CGREF1: variants seen among roughly 807,000 people sequenced by gnomAD.
The protein encoded by CGREF1 is cell growth regulator with EF hand domain protein 1.
In CGREF1, 16 loss-of-function variants were observed where a neutral mutation model predicts 17.4. The observed-to-expected ratio is 0.92, with a 90% CI of 0.62 to 1.40. The LOEUF (loss-of-function observed/expected upper bound fraction) is 1.40, where lower values mean the gene tolerates loss of function less well. Ranked by LOEUF, CGREF1 falls within the 40% of genes most tolerant of loss-of-function variation. CGREF1 has a pLI of 0.00. For synonymous variants in CGREF1, 142 were observed against 154.6 expected (o/e 0.92, Z 0.61); for missense variants, 296 against 376.4 (o/e 0.79, Z 1.77).
At chr2:27,105,446 C>T (rs1423985448) in intron 1 of CGREF1, among the ~76,000 whole-genome samples, 1 of 152,152 alleles carries the variant, frequency 6.6e-6, no homozygotes, top group Non-Finnish European at 1.5e-5. Flanking sequence ...GGAAGATAAA[C>T]AAAATTCTGC....
chr2:27,110,750 TTGAG>T (rs1671339719), intron 1 of CGREF1: 1 of 159,438 alleles, frequency 6.3e-6, no homozygotes, highest in Non-Finnish European at 1.4e-5. Flanking sequence ...ACCCTCGCGG[TTGAG>T]TGTTACAGTT....
At position 27,102,672 on chromosome 2, in the gene CGREF1, T is replaced by C. The variant is rs190606702; in HGVS notation, c.81-81A>G. ...TGCCAACCTTCTGCCTCCAATCTCC[T>C]GGCAGTTTTCTCCCCAGACCCAAAG... On this transcript the variant is annotated intron_variant, in intron 2 of 5. Transcript: ENST00000402394. 3.2e-3 allele frequency: 4,714 copies of C among 1,452,878 alleles called. 38 individuals are homozygous for C. Among genetic ancestry groups the C allele is most frequent in the South Asian group, 0.013 (1,031 of 79,824 alleles). 90.0% of individuals were successfully genotyped at this position (1,452,878 alleles called of 1,614,324 possible). A position where few individuals can be genotyped will look rare whatever the true frequency, so the allele number is the denominator to read the frequency against.
At position 27,102,450 on chromosome 2, in the gene CGREF1, T is replaced by TCA; in HGVS notation, c.147-22_147-21dup. 3 of 1,613,900 alleles carry TCA rather than the reference T, an allele frequency of 1.9e-6. No individual in the cohort carries two copies. Among genetic ancestry groups the TCA allele is most frequent in the Non-Finnish European group, 2.5e-6 (3 of 1,179,804 alleles). On this transcript the variant is annotated intron_variant, in intron 3 of 5. Transcript: ENST00000402394. ...AGAAGTCTGTCAGAAAAGTGGAGAA[T>TCA]CAGCCCGGGAGAGGTGAGTCTGCAG...
In CGREF1 at chr2:27,101,291, C is replaced by T. The variant is rs752199429; in HGVS notation, c.940G>A (p.Glu314Lys). Residue 314 changes from glutamate (E) to lysine (K), a missense_variant, in exon 6 of 6, where the codon GAG (glutamate) becomes AAG (lysine). By Grantham distance (56) the Glu-to-Lys change is moderately conservative. This residue lies in a region of CGREF1 where 40 missense variants were observed against 40.8 expected (regional missense o/e 0.98). Transcript: ENST00000402394. ...NDFEVHIVQV[E>K]NDEI is the part of the protein sequence containing the mutation. ...TTCAAGATCTAGATCTCATCATTCT[C>T]CACTTGAACAATGTGCACCTCAAAG... 17 of 1,564,948 alleles carry T rather than the reference C, an allele frequency of 1.1e-5. No homozygotes were observed. In the South Asian group the frequency reaches 1.2e-4, roughly 11 times the overall value.
At position 27,116,922 on chromosome 2, in the gene CGREF1, TC is replaced by T. The variant is rs1448198679; in HGVS notation, c.-12+1923del. On this transcript the variant is annotated intron_variant, in intron 1 of 5. Transcript: ENST00000402394. ...CTCTCTCTCTCTCTCTCTCTCTCTCTCTTTTTTTGAGACAGAGTCTCGCTCT... is the reference window on the plus strand; with the variant it reads ...CTCTCTCTCTCTCTCTCTCTCTCTCTTTTTTTTGAGACAGAGTCTCGCTCT... 2.3e-3 allele frequency among the ~76,000 whole-genome samples: 178 copies of T among 77,412 alleles called. 1 individual carries two copies. Among genetic ancestry groups the T allele is most frequent in the African/African-American group, 9.5e-3 (152 of 15,970 alleles). The allele number at this position is 77,412 out of a possible 152,430, so 50.8% of individuals were successfully genotyped here.
At chr2:27,116,620 A>C (rs1244628321) in intron 1 of CGREF1, among the ~76,000 whole-genome samples, 1 of 150,776 alleles carries the variant, frequency 6.6e-6, no homozygotes, top group Non-Finnish European at 1.5e-5. Context: ...CCCAGGCTGG[A>C]GTGCAATGGC....
Position 27,102,415 on chromosome 2 carries a change from G to A in CGREF1, c.162C>T (p.Tyr54=), listed in dbSNP as rs1329555056. The part of the protein sequence containing the change: ...GQEQLGLLQS[Y]LKGLGRTEVQ... Reference sequence around the variant, plus strand: ...CTTCTGTCCTTCCTAGTCCCTTTAGGTAGCTCTGCAGAAGTCTGTCAGAAA... The same window carrying A: ...CTTCTGTCCTTCCTAGTCCCTTTAGATAGCTCTGCAGAAGTCTGTCAGAAA... The change falls in exon 4 of 6, where the codon TAC becomes TAT. Residue 54 remains tyrosine, a synonymous_variant. Transcript: ENST00000402394. 2 of 1,614,138 alleles carry A rather than the reference G, an allele frequency of 1.2e-6. No individual in the cohort carries two copies. Among genetic ancestry groups the A allele is most frequent in the South Asian group, 1.1e-5 (1 of 91,072 alleles).
intron 1 of CGREF1, among the ~76,000 whole-genome samples, chr2:27,116,908 TCTCTCTCTCTCTC>T (rs1558466931): frequency 4.4e-4 from 53 of 121,752 alleles, no homozygotes; most frequent in African/African-American, 5.3e-4. Context: ...TCTCTCTCTC[TCTCTCTCTCTCTC>T]TCTTTTTTTG....
chr2:27,109,407 CAT>C (rs947913977), intron 1 of CGREF1, among the ~76,000 whole-genome samples: 4 of 144,918 alleles, frequency 2.8e-5, no homozygotes, highest in African/African-American at 7.5e-5. Context: ...TGCAAGAAAA[CAT>C]GTGGAGCAAA....
At position 27,101,527 on chromosome 2, in the gene CGREF1, G is replaced by T. The variant is rs778795964; in HGVS notation, c.704C>A (p.Ala235Asp). 1 of 1,605,658 alleles carries T rather than the reference G, an allele frequency of 6.2e-7. No individual in the cohort carries two copies. Among genetic ancestry groups the T allele is most frequent in the South Asian group, 1.1e-5 (1 of 90,736 alleles). The change falls in exon 6 of 6, where the codon GCC becomes GAC. Residue 235 changes from alanine (A) to aspartate (D), a missense_variant. By Grantham distance (126) the Ala-to-Asp change is moderately radical (BLOSUM62 -2). Coordinates refer to ENST00000402394, the MANE Select transcript of CGREF1 (RefSeq NM_006569.6). ...CCCAGCTTCCCCTCTGGGCCCAGGG[G>T]CATCTCCTTTAGCCTCTGCCTGGCC... ...AEGQAEAKGD[A>D]PGPRGEAGGQ...
At chr2:27,116,923 C>CTCTCTCTCT (rs1259106800) in intron 1 of CGREF1, among the ~76,000 whole-genome samples, 3 of 53,016 alleles carry the variant, frequency 5.7e-5, no homozygotes, top group African/African-American at 9.7e-5. Flanking sequence ...CTCTCTCTCT[C>CTCTCTCTCT]TTTTTTTGAG....
intron 2 of CGREF1, among the ~76,000 whole-genome samples, chr2:27,103,340 G>A (rs1670982861): frequency 6.6e-6 from 1 of 151,502 alleles, no homozygotes; most frequent in South Asian, 2.1e-4. Context: ...GAAATGACAT[G>A]CTAATGATCT....
At position 27,101,009 on chromosome 2, in the gene CGREF1, T is replaced by C; in HGVS notation, c.*265A>G. 7.9e-7 allele frequency: 1 copy of C among 1,268,378 alleles called. No homozygotes were observed. Among genetic ancestry groups the C allele is most frequent in the Non-Finnish European group, 9.9e-7 (1 of 1,008,988 alleles). 78.6% of individuals were successfully genotyped at this position (1,268,378 alleles called of 1,614,324 possible). ...CTGGGCAGGCGGCATCCCTGTCCTTTCGGTCCCCAACCCCGTTCCTCTGAG... is the reference window on the plus strand; with the variant it reads ...CTGGGCAGGCGGCATCCCTGTCCTTCCGGTCCCCAACCCCGTTCCTCTGAG... On this transcript the variant is annotated 3_prime_UTR_variant, in exon 6 of 6. Transcript: ENST00000402394.
intron 2 of CGREF1, chr2:27,102,916 GACA>G (rs1284673844): frequency 4.1e-6 from 4 of 985,140 alleles, no homozygotes; most frequent in South Asian, 4.7e-5. Flanking sequence ...TGAGTGGCAG[GACA>G]ACATGGGTCA....
intron 1 of CGREF1, among the ~76,000 whole-genome samples, chr2:27,107,444 G>C (rs1430343021): frequency 5.3e-5 from 8 of 151,504 alleles, no homozygotes; most frequent in South Asian, 2.1e-4. Context: ...TAGTAGAGAT[G>C]GGGTTTCACC....
chr2:27,101,975 G>A, intron 5 of CGREF1, 87 bp from the exon 6 acceptor site: 1 of 1,565,772 alleles, frequency 6.4e-7, no homozygotes, highest in Admixed American at 1.8e-5. Flanking sequence ...TTGCATCCCT[G>A]CCGTGCAAGC....
In CGREF1 at chr2:27,116,443, C is replaced by T. The variant is rs1007979878; in HGVS notation, c.-12+2403G>A. Among the ~76,000 whole-genome samples the T allele has an allele frequency of 2.6e-5, 4 of 151,782 alleles. No individual in the cohort carries two copies. In the South Asian group the frequency reaches 6.3e-4, roughly 24 times the overall value. On this transcript the variant is annotated intron_variant, in intron 1 of 5. Transcript: ENST00000402394. ...TTCGGAGGCTGAGACACGAGAATTG[C>T]TTGAACCCAGGAGGCAGAGGTTGCA...
intron 1 of CGREF1, among the ~76,000 whole-genome samples, chr2:27,117,357 A>C (rs1671625262): frequency 6.6e-6 from 1 of 152,256 alleles, no homozygotes; most frequent in African/African-American, 2.4e-5. Flanking sequence ...CATTAACAAA[A>C]GCTTTTGTGA....
Position 27,102,087 on chromosome 2 carries a change from C to A in CGREF1, c.342+10G>T. 1 of 1,598,452 alleles carries A rather than the reference C, an allele frequency of 6.3e-7. No homozygotes were observed. The highest frequency in any genetic ancestry group is 8.6e-7 in the Non-Finnish European group (1 of 1,168,984). ...CCTTTATGCGGGGATCTCCATCCAG[C>A]AGAGCTTACCGGGTTGGTGGTAGGA... On this transcript the variant is annotated intron_variant, in intron 5 of 5. Transcript: ENST00000402394.
Sources: gnomAD v4.1 joint callset for allele counts (sites outside exome capture counted in the v4.1 genomes callset) on GRCh38, gnomAD v4.1.1 for gene constraint, gnomAD v4.1.1 regional missense constraint, MANE v1.5 for transcripts, NCBI Gene and HGNC (gene_info 2026-07-23, HGNC 2026-07-21) for gene names.